The following JAZF1 variants were observed in gnomAD, a reference collection of about 807,000 sequenced individuals.
The protein encoded by JAZF1 is juxtaposed with another zinc finger protein 1.
Under a neutral mutation model 26.4 loss-of-function variants are expected in JAZF1, and 8 were observed. That is an observed-to-expected ratio of 0.30 (90% CI 0.18 to 0.55). The LOEUF (loss-of-function observed/expected upper bound fraction) is 0.55. Among genes scored for constraint, JAZF1 ranks in the 20% least tolerant of loss-of-function variants. The probability of loss-of-function intolerance (pLI) is 0.94; values close to 1 mark genes in which losing one functional copy is unlikely to be tolerated. For missense variants in JAZF1, 199 were observed against 322.0 expected (o/e 0.62, Z 2.92); for synonymous variants, 126 against 122.3 (o/e 1.03, Z -0.20).
At chr7:27,934,863 T>C (rs1266358001) in intron 2 of JAZF1, among the ~76,000 whole-genome samples, 5 of 152,200 alleles carry the variant, frequency 3.3e-5, no homozygotes, top group East Asian at 3.8e-4. Flanking sequence ...TTAGACTTCG[T>C]TAAAACTAAA....
chr7:28,138,009 T>A (rs1782910456), intron 1 of JAZF1, among the ~76,000 whole-genome samples: 1 of 152,208 alleles, frequency 6.6e-6, no homozygotes, highest in African/African-American at 2.4e-5. Flanking sequence ...AGGATTCAAT[T>A]CCAGATAATC....
At chr7:28,028,891 A>T (rs1367890247) in intron 1 of JAZF1, among the ~76,000 whole-genome samples, 1 of 152,214 alleles carries the variant, frequency 6.6e-6, no homozygotes, top group Non-Finnish European at 1.5e-5. Context: ...AACTTTACTC[A>T]TTAAAGTTAT....
chr7:28,099,699 C>T (rs1784440960), intron 1 of JAZF1, among the ~76,000 whole-genome samples: 2 of 152,164 alleles, frequency 1.3e-5, no homozygotes, highest in Admixed American at 6.5e-5. Flanking sequence ...TGGTCTCAAA[C>T]TCCCGACCTC....
chr7:27,882,885 G>C (rs1227021872), intron 3 of JAZF1, among the ~76,000 whole-genome samples: 1 of 152,146 alleles, frequency 6.6e-6, no homozygotes, highest in African/African-American at 2.4e-5. Context: ...GTTTGTCTGG[G>C]CTGTGAATTC....
intron 1 of JAZF1, among the ~76,000 whole-genome samples, chr7:28,053,404 T>C (rs1266545116): frequency 6.6e-6 from 1 of 152,262 alleles, no homozygotes; most frequent in Non-Finnish European, 1.5e-5. Flanking sequence ...TTTTCTATAA[T>C]GTTTTGTGGA....
At chr7:28,064,190 C>T (rs925153846) in intron 1 of JAZF1, among the ~76,000 whole-genome samples, 6 of 151,892 alleles carry the variant, frequency 4.0e-5, no homozygotes, top group African/African-American at 1.5e-4. Context: ...CCTCAATGAC[C>T]GGAACATCTG....
At chr7:28,048,187 A>G (rs1299463143) in intron 1 of JAZF1, among the ~76,000 whole-genome samples, 2 of 152,164 alleles carry the variant, frequency 1.3e-5, no homozygotes, top group African/African-American at 2.4e-5. Flanking sequence ...GGTAATTTTC[A>G]AATTCATTTC....
In JAZF1 at chr7:28,180,756, A is replaced by T. The variant is rs1378218187; in HGVS notation, c.-179T>A. ...GGGCGAGAGAGATGGAAGGAGAGCG[A>T]GGAGCCACCGGGAGGCAGAGGGGAG... On this transcript the variant is annotated 5_prime_UTR_variant, in exon 1 of 5. Coordinates refer to ENST00000283928, the MANE Select transcript of JAZF1 (RefSeq NM_175061.4). 1 of 237,594 alleles carries T rather than the reference A, an allele frequency of 4.2e-6. No individual in the cohort carries two copies. The highest frequency in any genetic ancestry group is 7.5e-5 in the East Asian group (1 of 13,392). 14.7% of individuals were successfully genotyped at this position (237,594 alleles called of 1,614,324 possible).
chr7:27,869,837 G>T (rs960145900), intron 3 of JAZF1, among the ~76,000 whole-genome samples: 3 of 152,188 alleles, frequency 2.0e-5, no homozygotes, highest in African/African-American at 7.2e-5. Context: ...AGTAAAGGGA[G>T]GCTGGTTTGA....
At chr7:27,861,942 G>GCCTC (rs1783388968) in intron 3 of JAZF1, among the ~76,000 whole-genome samples, 1 of 152,190 alleles carries the variant, frequency 6.6e-6, no homozygotes, top group Non-Finnish European at 1.5e-5. Context: ...CTCTTCCTCA[G>GCCTC]CCTCCCTGTT....
At chr7:27,887,378 T>C (rs888121900) in intron 3 of JAZF1, among the ~76,000 whole-genome samples, 2 of 152,108 alleles carry the variant, frequency 1.3e-5, no homozygotes, top group African/African-American at 4.8e-5. Context: ...TAGAAAAAGA[T>C]CTATTATGAT....
intron 1 of JAZF1, among the ~76,000 whole-genome samples, chr7:28,161,483 T>C (rs1783287947): frequency 6.6e-6 from 1 of 152,160 alleles, no homozygotes; most frequent in South Asian, 2.1e-4. Context: ...CCTCTTGCAC[T>C]CTACGTTACC....
intron 2 of JAZF1, among the ~76,000 whole-genome samples, chr7:27,936,746 G>C (rs1253599322): frequency 6.6e-6 from 1 of 152,150 alleles, no homozygotes; most frequent in South Asian, 2.1e-4. Flanking sequence ...CCTGCCTGTC[G>C]ATGGCATAAA....
At chr7:28,079,632 T>C (rs146955853) in intron 1 of JAZF1, among the ~76,000 whole-genome samples, 2,147 of 152,228 alleles carry the variant, frequency 0.014, 31 homozygotes, top group Non-Finnish European at 0.023. Flanking sequence ...CACAAGCAAA[T>C]CAATACATGC....
At chr7:28,144,011 C>T (rs989723111) in intron 1 of JAZF1, among the ~76,000 whole-genome samples, 2 of 152,088 alleles carry the variant, frequency 1.3e-5, no homozygotes, top group African/African-American at 4.8e-5. Flanking sequence ...AACAAATAAG[C>T]CCATGAAAAT....
At position 27,863,301 on chromosome 7, in the gene JAZF1, C is replaced by G. The variant is rs55955118; in HGVS notation, c.386-22434G>C. ...CTTTGATGACCCTGTTCTCCCTGCT[C>G]TTGAATTAGAGACCGGTGGCTATAA... On this transcript the variant is annotated intron_variant, in intron 3 of 4. Coordinates refer to ENST00000283928, the MANE Select transcript of JAZF1 (RefSeq NM_175061.4). Among the ~76,000 whole-genome samples, 544 of 152,322 alleles carry G rather than the reference C, an allele frequency of 3.6e-3. 1 individual carries two copies. Among genetic ancestry groups the G allele is most frequent in the African/African-American group, 0.012 (485 of 41,576 alleles).
At position 27,938,821 on chromosome 7, in the gene JAZF1, T is replaced by G. The variant is rs561207390; in HGVS notation, c.189-43405A>C. Among the ~76,000 whole-genome samples the G allele has an allele frequency of 2.4e-4, 35 of 146,142 alleles. No individual in the cohort carries two copies. The South Asian group carries it at 7.7e-3, about 32-fold the overall frequency. ...TGAATAGCTATTTTTTTTTTTTTTT[T>G]GTAGAAATGGAGTTTTGCCATGTTG... On this transcript the variant is annotated intron_variant, in intron 2 of 4. Transcript: ENST00000283928.
intron 2 of JAZF1, among the ~76,000 whole-genome samples, chr7:27,923,232 G>A (rs1407623665): frequency 6.6e-6 from 1 of 152,190 alleles, no homozygotes; most frequent in Non-Finnish European, 1.5e-5. Context: ...GTATAGACAA[G>A]ACCAGCATGT....
intron 2 of JAZF1, among the ~76,000 whole-genome samples, chr7:27,980,588 T>C (rs1785564232): frequency 6.6e-6 from 1 of 152,146 alleles, no homozygotes; most frequent in Admixed American, 6.5e-5. Flanking sequence ...TCATTTCAAT[T>C]TTGAGATGCC....
Sources: allele counts gnomAD v4.1 joint callset (sites outside exome capture counted in the v4.1 genomes callset), GRCh38; gene constraint gnomAD v4.1.1; transcripts MANE v1.5; gene names NCBI Gene and HGNC (gene_info 2026-07-23, HGNC 2026-07-21).